Variants in ARHGAP8 observed in about 807,000 individuals in gnomAD.
ARHGAP8 encodes Rho GTPase activating protein 8.
ARHGAP8 carries 62 observed loss-of-function variants against 46.1 expected under a neutral mutation model. The observed-to-expected ratio is 1.34, with a 90% CI of 1.10 to 1.66. ARHGAP8 has a LOEUF of 1.66. ARHGAP8 is among the 40% of genes most tolerant of loss of function. ARHGAP8 has a pLI of 0.00. For synonymous variants in ARHGAP8, 375 were observed against 243.1 expected (o/e 1.54, Z -5.05); for missense variants, 923 against 568.4 (o/e 1.62, Z -6.34).
chr22:44,860,056 CTGCTCCTGTACCTGCT>C (rs1298009483), intron 11 of ARHGAP8, among the ~76,000 whole-genome samples: 1 of 151,810 alleles, frequency 6.6e-6, no homozygotes, highest in Non-Finnish European at 1.5e-5. Flanking sequence ...CTGCCCCTGC[CTGCTCCTGTACCTGCT>C]GTCCCTCAGC....
chr22:44,758,029 A>C (rs2146984888), intron 1 of ARHGAP8, among the ~76,000 whole-genome samples: 1 of 152,176 alleles, frequency 6.6e-6, no homozygotes, highest in South Asian at 2.1e-4. Context: ...GGGGTCACAG[A>C]GGGAGTCGGA....
chr22:44,784,207 C>A (rs1227448866), intron 1 of ARHGAP8, among the ~76,000 whole-genome samples: 1 of 152,114 alleles, frequency 6.6e-6, no homozygotes, highest in Admixed American at 6.6e-5. Context: ...GGTTCGAGAC[C>A]AGTCTGGCCA....
At chr22:44,826,227 C>A (rs1458114607) in intron 7 of ARHGAP8, among the ~76,000 whole-genome samples, 1 of 152,090 alleles carries the variant, frequency 6.6e-6, no homozygotes, top group African/African-American at 2.4e-5. Flanking sequence ...CATCCCTGAT[C>A]CCCGCATCAC....
chr22:44,839,219 A>T (rs1931488342), intron 7 of ARHGAP8, among the ~76,000 whole-genome samples: 1 of 152,130 alleles, frequency 6.6e-6, no homozygotes, highest in Non-Finnish European at 1.5e-5. Context: ...GATGGGAAGG[A>T]GGCAGGGGGC....
chr22:44,815,150 C>A (rs73422239), intron 5 of ARHGAP8, among the ~76,000 whole-genome samples: 3,035 of 152,242 alleles, frequency 0.02, 80 homozygotes, highest in African/African-American at 0.061. Context: ...AAAAGGCACA[C>A]AAGGCTGAGT....
intron 1 of ARHGAP8, among the ~76,000 whole-genome samples, chr22:44,774,212 C>G (rs117210914): frequency 1.3e-5 from 2 of 152,038 alleles, no homozygotes; most frequent in Non-Finnish European, 2.9e-5. Flanking sequence ...TCAACAGTCA[C>G]GGGGTTAAAG....
intron 10 of ARHGAP8, among the ~76,000 whole-genome samples, chr22:44,851,424 A>T (rs972092716): frequency 6.7e-6 from 1 of 148,464 alleles, no homozygotes; most frequent in Non-Finnish European, 1.5e-5. Context: ...TATTTATTTA[A>T]TTTTTGAGAC....
At chr22:44,853,924 G>C (rs556950992) in intron 10 of ARHGAP8, among the ~76,000 whole-genome samples, 133 of 150,480 alleles carry the variant, frequency 8.8e-4, no homozygotes, top group Non-Finnish European at 1.7e-3. Flanking sequence ...CTACTCGGGA[G>C]GCTGAGGCAG....
chr22:44,816,553 T>A (rs982459860), intron 5 of ARHGAP8, among the ~76,000 whole-genome samples: 1 of 152,160 alleles, frequency 6.6e-6, no homozygotes, highest in Admixed American at 6.5e-5. Flanking sequence ...TGGCTCATGC[T>A]ACTAATCATA....
chr22:44,831,170 A>T (rs1417773643), intron 7 of ARHGAP8, among the ~76,000 whole-genome samples: 1 of 152,168 alleles, frequency 6.6e-6, no homozygotes, highest in Non-Finnish European at 1.5e-5. Flanking sequence ...CATTTTGATG[A>T]AGTCCAATTT....
At position 44,822,413 on chromosome 22, in the gene ARHGAP8, T is replaced by A. The variant is rs769411423; in HGVS notation, c.429T>A (p.Ser143Arg). ...AAGTCATCTATTTCAACTACCTGAGTGAGCTCCACGAACACCTTAAATACG... is the reference window on the plus strand; with the variant it reads ...AAGTCATCTATTTCAACTACCTGAGAGAGCTCCACGAACACCTTAAATACG... ...GKKVIYFNYL[S>R]ELHEHLKYDQ... Residue 143 changes from serine (S) to arginine (R), a missense_variant, in exon 6 of 12, where the codon AGT becomes AGA. Ser to Arg is a moderately radical substitution (Grantham distance 110). Transcript: ENST00000356099. 4 of 1,583,872 alleles carry A rather than the reference T, an allele frequency of 2.5e-6. No individual in the cohort carries two copies. The East Asian group carries it at 9.3e-5, about 37-fold the overall frequency.
At chr22:44,776,143 T>C (rs1926399776) in intron 1 of ARHGAP8, among the ~76,000 whole-genome samples, 1 of 152,126 alleles carries the variant, frequency 6.6e-6, no homozygotes, top group East Asian at 1.9e-4. Flanking sequence ...GAGGCTTCTG[T>C]AACCCTCATT....
intron 10 of ARHGAP8, among the ~76,000 whole-genome samples, chr22:44,857,266 G>A (rs754437284): frequency 2.6e-5 from 4 of 152,012 alleles, no homozygotes; most frequent in East Asian, 3.9e-4. Flanking sequence ...TCTTTTGGCC[G>A]GCTCTACCAG....
At chr22:44,824,340 C>T (rs1930357512) in intron 6 of ARHGAP8, among the ~76,000 whole-genome samples, 1 of 152,192 alleles carries the variant, frequency 6.6e-6, no homozygotes, top group Non-Finnish European at 1.5e-5. Context: ...AAAAAACAAC[C>T]GCACGTGGTA....
chr22:44,757,748 C>T (rs1309246121), intron 1 of ARHGAP8, among the ~76,000 whole-genome samples: 4 of 151,876 alleles, frequency 2.6e-5, no homozygotes, highest in Admixed American at 6.6e-5. Context: ...AAATGATTCT[C>T]GTGCCTCAGC....
At chr22:44,846,010 T>C (rs939409814) in intron 8 of ARHGAP8, among the ~76,000 whole-genome samples, 1 of 106,032 alleles carries the variant, frequency 9.4e-6, no homozygotes, top group Non-Finnish European at 1.9e-5. Context: ...AAGAAGTGAG[T>C]GCCCCCCCCC....
intron 2 of ARHGAP8, among the ~76,000 whole-genome samples, chr22:44,797,859 G>C (rs1037287930): frequency 9.9e-5 from 15 of 152,234 alleles, no homozygotes; most frequent in Non-Finnish European, 4.4e-5. Flanking sequence ...CCAGGCTGCA[G>C]TGTAGTGGCG....
intron 2 of ARHGAP8, among the ~76,000 whole-genome samples, chr22:44,799,142 G>GC (rs1196241148): frequency 2.6e-5 from 4 of 152,210 alleles, no homozygotes; most frequent in East Asian, 1.9e-4. Context: ...CCTTTGTACA[G>GC]CCCCCCGCCC....
chr22:44,861,776 TC>T (rs112640719), intron 11 of ARHGAP8, among the ~76,000 whole-genome samples: 8 of 152,080 alleles, frequency 5.3e-5, no homozygotes, highest in African/African-American at 1.9e-4. Flanking sequence ...GAGTAATGAC[TC>T]CCCCGTGCTG....
Sources: gnomAD v4.1 joint callset for allele counts (sites outside exome capture counted in the v4.1 genomes callset) on GRCh38, gnomAD v4.1.1 for gene constraint, MANE v1.5 for transcripts, NCBI Gene and HGNC (gene_info 2026-07-23, HGNC 2026-07-21) for gene names.